The following ZNF618 variants were observed in gnomAD, a reference collection of about 807,000 sequenced individuals.
ZNF618 encodes the protein neural precursor cell expressed, developmentally down-regulated 10.
Under a neutral mutation model 103.0 loss-of-function variants are expected in ZNF618, and 34 were observed. The observed-to-expected ratio is 0.33, with a 90% confidence interval of 0.25 to 0.44. ZNF618 has a LOEUF of 0.44. ZNF618 is among the 20% of genes least tolerant of loss of function. The pLI, the probability that ZNF618 is intolerant of heterozygous loss-of-function variation, is 1.00. For synonymous variants in ZNF618, 551 were observed against 542.2 expected (o/e 1.02, Z -0.23); for missense variants, 1,059 against 1,295.4 (o/e 0.82, Z 2.80).
At chr9:113,958,911 C>G (rs796097079) in intron 1 of ZNF618, among the ~76,000 whole-genome samples, 20 of 152,340 alleles carry the variant, frequency 1.3e-4, no homozygotes, top group African/African-American at 4.6e-4. Context: ...CTGCCTGGAG[C>G]CCCTGATGGC....
chr9:113,908,320 G>A (rs1355233300), intron 1 of ZNF618, among the ~76,000 whole-genome samples: 4 of 152,176 alleles, frequency 2.6e-5, no homozygotes, highest in Non-Finnish European at 5.9e-5. Flanking sequence ...TGCTCAGGAT[G>A]TTAAATACAT....
intron 1 of ZNF618, among the ~76,000 whole-genome samples, chr9:113,962,353 C>T (rs576079870): frequency 2.0e-5 from 3 of 152,172 alleles, no homozygotes; most frequent in Non-Finnish European, 2.9e-5. Context: ...TGGACTGCTC[C>T]GTAGCCCTGC....
chr9:113,982,419 T>C lies in ZNF618; in HGVS notation c.78-5902T>C, dbSNP rs535867464. Among the ~76,000 whole-genome samples the C allele has an allele frequency of 1.4e-4, 21 of 152,202 alleles. No individual in the cohort carries two copies. In the East Asian group the frequency reaches 3.7e-3, roughly 27 times the overall value. On this transcript the variant is annotated intron_variant, in intron 2 of 14. Transcript: ENST00000374126. ...CTCTACCTCTCGGGGCGCATTGCCT[T>C]CTCTCCTCTGTAACTTCTCTTCTGT...
chr9:114,022,128 C>T (rs769043162), intron 10 of ZNF618, among the ~76,000 whole-genome samples: 7 of 152,042 alleles, frequency 4.6e-5, no homozygotes, highest in Admixed American at 2.6e-4. Flanking sequence ...AATGGAATGA[C>T]TGGATCATAT....
intron 1 of ZNF618, among the ~76,000 whole-genome samples, chr9:113,917,824 C>T (rs1832266840): frequency 6.6e-6 from 1 of 152,140 alleles, no homozygotes; most frequent in South Asian, 2.1e-4. Flanking sequence ...AGTTTCCATA[C>T]ACTTTCACCT....
At chr9:113,943,650 T>C (rs1464870781) in intron 1 of ZNF618, among the ~76,000 whole-genome samples, 1 of 151,724 alleles carries the variant, frequency 6.6e-6, no homozygotes, top group Non-Finnish European at 1.5e-5. Flanking sequence ...CCTCCCAAAA[T>C]TTCAAATCAT....
intron 3 of ZNF618, among the ~76,000 whole-genome samples, chr9:113,994,682 G>A (rs1260587397): frequency 6.6e-6 from 1 of 152,114 alleles, no homozygotes; most frequent in African/African-American, 2.4e-5. Context: ...TGTTTTTAAC[G>A]GGACAAAAAA....
chr9:113,900,538 G>A (rs1239935398), intron 1 of ZNF618, among the ~76,000 whole-genome samples: 1 of 152,134 alleles, frequency 6.6e-6, no homozygotes, highest in Non-Finnish European at 1.5e-5. Flanking sequence ...CAACCCAAGA[G>A]AACCTGGCAG....
chr9:114,029,110 C>T, intron 11 of ZNF618, 138 bp downstream of exon 11: 2 of 1,271,252 alleles, frequency 1.6e-6, no homozygotes, highest in Non-Finnish European at 2.1e-6. Context: ...AAATCTGAGT[C>T]CCAGCTCTGC....
intron 1 of ZNF618, among the ~76,000 whole-genome samples, chr9:113,923,226 G>A (rs758354438): frequency 3.3e-5 from 5 of 152,068 alleles, no homozygotes; most frequent in Non-Finnish European, 7.4e-5. Context: ...CATATTATCT[G>A]TGAATAAAGA....
chr9:113,985,402 C>T (rs1247730068), intron 2 of ZNF618, among the ~76,000 whole-genome samples: 1 of 152,212 alleles, frequency 6.6e-6, no homozygotes, highest in Non-Finnish European at 1.5e-5. Context: ...TCTCTAAAGC[C>T]ACAGCTGTCC....
intron 2 of ZNF618, among the ~76,000 whole-genome samples, chr9:113,978,356 A>G (rs1410105370): frequency 6.6e-6 from 1 of 152,246 alleles, no homozygotes; most frequent in African/African-American, 2.4e-5. Flanking sequence ...TGTCACTAAA[A>G]GCTGGAGACT....
At chr9:113,970,754 T>A (rs1588190374) in intron 2 of ZNF618, among the ~76,000 whole-genome samples, 1 of 151,690 alleles carries the variant, frequency 6.6e-6, no homozygotes, top group Admixed American at 6.6e-5. Context: ...CCCCAGTATG[T>A]GGTGTGTGGC....
chr9:113,921,916 A>G (rs1832685127), intron 1 of ZNF618, among the ~76,000 whole-genome samples: 1 of 151,916 alleles, frequency 6.6e-6, no homozygotes, highest in East Asian at 1.9e-4. Context: ...TATTTGTATT[A>G]TCCAAAGCAA....
chr9:114,008,290 G>A, intron 7 of ZNF618, 54 bp from the exon 8 acceptor site: 1 of 1,609,680 alleles, frequency 6.2e-7, no homozygotes, highest in Non-Finnish European at 8.5e-7. Context: ...GGGACTAACA[G>A]GGCTCCTGTT....
chr9:113,905,264 C>G (rs992937058), intron 1 of ZNF618, among the ~76,000 whole-genome samples: 3 of 152,200 alleles, frequency 2.0e-5, no homozygotes, highest in Admixed American at 2.0e-4. Flanking sequence ...ACCATGTTAG[C>G]CAGGCTGGTC....
intron 9 of ZNF618, among the ~76,000 whole-genome samples, chr9:114,013,683 G>A (rs1230862873): frequency 1.3e-5 from 2 of 152,182 alleles, no homozygotes; most frequent in East Asian, 1.9e-4. Flanking sequence ...CACCTGCCTC[G>A]GCCTCCCAAA....
At chr9:113,954,367 C>T (rs1014423715) in intron 1 of ZNF618, among the ~76,000 whole-genome samples, 2 of 152,132 alleles carry the variant, frequency 1.3e-5, no homozygotes, top group African/African-American at 2.4e-5. Flanking sequence ...ATGAGTTTTC[C>T]GTACTTCTCT....
At chr9:113,977,636 A>G (rs760370851) in intron 2 of ZNF618, among the ~76,000 whole-genome samples, 1 of 152,188 alleles carries the variant, frequency 6.6e-6, no homozygotes, top group African/African-American at 2.4e-5. Context: ...AACAGTGTAC[A>G]TTGCTAATTG....
Sources: allele counts gnomAD v4.1 joint callset (sites outside exome capture counted in the v4.1 genomes callset), GRCh38; gene constraint gnomAD v4.1.1; transcripts MANE v1.5; gene names NCBI Gene and HGNC (gene_info 2026-07-23, HGNC 2026-07-21).